The following ABCA7 variants were observed in gnomAD, a reference collection of about 807,000 sequenced individuals.
The protein encoded by ABCA7 is phospholipid-transporting ATPase ABCA7.
ABCA7 carries 261 observed loss-of-function variants against 227.6 expected under a neutral mutation model. The observed-to-expected ratio is 1.15, with a 90% CI of 1.04 to 1.27. The LOEUF (loss-of-function observed/expected upper bound fraction) is 1.27. Among genes scored for constraint, ABCA7 ranks in the 50% most tolerant of loss-of-function variants. The pLI is 0.00. For synonymous variants in ABCA7, 1,488 were observed against 1,279.7 expected (o/e 1.16, Z -3.47); for missense variants, 3,331 against 2,924.5 (o/e 1.14, Z -3.21).
Position 1,065,228 on chromosome 19 carries a change from G to A in ABCA7, c.6286-42G>A, listed in dbSNP as rs200178682. On this transcript the variant is annotated intron_variant, in intron 46 of 46. Transcript: ENST00000263094. The stretch of plus-strand genomic sequence containing the variant: ...GGCAGGCTGGGGGCCAGGCCCGTGG[G>A]CTGACCGTCCCTCTTGTCCCCTCTG... The A allele has an allele frequency of 2.6e-5, 42 of 1,607,692 alleles. No individual in the cohort carries two copies. The East Asian group carries it at 9.4e-4, about 36-fold the overall frequency.
chr19:1,064,322 C>T, intron 45 of ABCA7, 69 bp downstream of exon 45: 1 of 1,444,876 alleles, frequency 6.9e-7, no homozygotes, highest in Non-Finnish European at 9.3e-7. Context: ...AGGGGAGAGG[C>T]CAGACGTAGA....
In ABCA7 at chr19:1,056,018, G is replaced by A. The variant is rs759145406; in HGVS notation, c.4239-48G>A. ...CTGCCTGCCCCCTGGGAGCTCTCCC[G>A]GCCCCCCCGGCCCTCAGCTCCCCTT... is the stretch of plus-strand genomic sequence containing the variant. On this transcript the variant is annotated intron_variant, in intron 31 of 46. Coordinates refer to ENST00000263094, the MANE Select transcript of ABCA7 (RefSeq NM_019112.4). This position sits in a 1 kb window ranked among gnomAD's most constrained non-coding sequence, Gnocchi z 4.3. The A allele has an allele frequency of 8.6e-6, 13 of 1,507,296 alleles. No individual in the cohort carries two copies. The highest frequency in any genetic ancestry group is 8.1e-5 in the African/African-American group (4 of 49,440). 93.4% of individuals were successfully genotyped at this position (1,507,296 alleles called of 1,614,324 possible).
chr19:1,062,362 C>A (rs1245767643), intron 42 of ABCA7, 49 bp downstream of exon 42: 3 of 1,585,604 alleles, frequency 1.9e-6, no homozygotes, highest in Non-Finnish European at 2.6e-6. Flanking sequence ...GCCCACCCGA[C>A]CCAGGCCGTG....
At position 1,042,188 on chromosome 19, in the gene ABCA7, G is replaced by C; in HGVS notation, c.415+12G>C. 4 of 1,599,470 alleles carry C rather than the reference G, an allele frequency of 2.5e-6. No homozygotes were observed. Among genetic ancestry groups the C allele is most frequent in the Non-Finnish European group, 3.4e-6 (4 of 1,177,446 alleles). ...TGCACGCAGCACGGGTGAGGAGGCCGGGGGGCCTCTGGCAGGGCTGAGCTC... is the reference window on the plus strand; with the variant it reads ...TGCACGCAGCACGGGTGAGGAGGCCCGGGGGCCTCTGGCAGGGCTGAGCTC... On this transcript the variant is annotated intron_variant, in intron 5 of 46. Coordinates refer to ENST00000263094, the MANE Select transcript of ABCA7 (RefSeq NM_019112.4).
rs2040112279 is a variant in ABCA7 at position 1,042,195 on chromosome 19, C to G, written c.415+19C>G. 6.2e-7 allele frequency: 1 copy of G among 1,601,262 alleles called. No homozygotes were observed. The highest frequency in any genetic ancestry group is 1.3e-5 in the African/African-American group (1 of 74,962). On this transcript the variant is annotated intron_variant, in intron 5 of 46. Coordinates refer to ENST00000263094, the MANE Select transcript of ABCA7 (RefSeq NM_019112.4). ...AGCACGGGTGAGGAGGCCGGGGGGC[C>G]TCTGGCAGGGCTGAGCTCTGAGCCT...
chr19:1,043,630 A>G, intron 9 of ABCA7, 95 bp from the exon 10 acceptor site: 1 of 1,512,152 alleles, frequency 6.6e-7, no homozygotes, highest in Non-Finnish European at 9.1e-7. Context: ...GCGGAGGATC[A>G]GAGGCACACG....
At chr19:1,052,420 A>C (rs966051237) in intron 23 of ABCA7, 134 bp downstream of exon 23, 2 of 83,684 alleles carry the variant, frequency 2.4e-5, no homozygotes, top group South Asian at 1.4e-4. Context: ...GCGGAGGAGG[A>C]GGGGGAGGAG....
Position 1,058,255 on chromosome 19 carries a change from C to T in ABCA7, c.5135C>T (p.Ala1712Val). ...GTGCGGAACCAGGCCATGGCTGATG[C>T]CTTTGAGCGCTTGGGTGAGAACTTC... ...DMVRNQAMAD[A>V]FERLGDRQFQ... The change falls in exon 37 of 47, where the codon GCC (alanine) becomes GTC (valine). Residue 1712 changes from alanine (A) to valine (V), a missense_variant. By Grantham distance (64) the Ala-to-Val change is moderately conservative. Coordinates refer to ENST00000263094, the MANE Select transcript of ABCA7 (RefSeq NM_019112.4). 1 of 1,613,164 alleles carries T rather than the reference C, an allele frequency of 6.2e-7. No homozygotes were observed. The highest frequency in any genetic ancestry group is 8.5e-7 in the Non-Finnish European group (1 of 1,179,884).
In ABCA7 at chr19:1,043,294, CTGGGCAGGGGGGCAGGGCCTCA is replaced by C. The variant is rs1342533344; in HGVS notation, c.791-36_791-15del. ...GTTTCCCCTCTTGGGAAGTGGAACTCTGGGCAGGGGGGCAGGGCCTCATGGCACCCCCATCCCAGGCCCCGCC... is the reference window on the plus strand; with the variant it reads ...GTTTCCCCTCTTGGGAAGTGGAACTCTGGCACCCCCATCCCAGGCCCCGCC... On this transcript the variant is annotated intron_variant, in intron 8 of 46. Transcript: ENST00000263094. The C allele has an allele frequency of 6.2e-7, 1 of 1,611,852 alleles. No individual in the cohort carries two copies. The highest frequency in any genetic ancestry group is 2.2e-5 in the East Asian group (1 of 44,834).
rs1365348626 is a variant in ABCA7, at chr19:1,044,694, G to A, written c.1165G>A (p.Ala389Thr). The A allele has an allele frequency of 6.2e-7, 1 of 1,612,434 alleles. No homozygotes were observed. The highest frequency in any genetic ancestry group is 8.5e-7 in the Non-Finnish European group (1 of 1,179,900). Residue 389 changes from alanine to threonine, a missense_variant, in exon 11 of 47, where the codon GCA becomes ACA. Physicochemically the swap from Ala to Thr is moderately conservative, Grantham distance 58. Coordinates refer to ENST00000263094, the MANE Select transcript of ABCA7 (RefSeq NM_019112.4). ...GAGCGGTGGCTACAGCTGGCAGGAC[G>A]CACACGCTGATGTGGGGCACCTGGT... is the stretch of plus-strand genomic sequence containing the variant. ...PGSGGYSWQD[A>T]HADVGHLVGT... is the part of the protein sequence containing the mutation.
chr19:1,065,309 G>A lies in ABCA7; in HGVS notation c.6325G>A (p.Asp2109Asn), dbSNP rs1404856278. Residue 2109 changes from aspartate to asparagine, a missense_variant, in exon 47 of 47, where the codon GAC becomes AAC. Asp to Asn is a conservative substitution (Grantham distance 23, BLOSUM62 1). Coordinates refer to ENST00000263094, the MANE Select transcript of ABCA7 (RefSeq NM_019112.4). ...YFSKDQGKDE[D>N]TEEQKEAGVG... ...CTCCAAGGACCAGGGGAAGGACGAGGACACCGAAGAGCAGAAGGAGGCAGG... is the reference window on the plus strand; with the variant it reads ...CTCCAAGGACCAGGGGAAGGACGAGAACACCGAAGAGCAGAAGGAGGCAGG... 2.5e-6 allele frequency: 4 copies of A among 1,613,472 alleles called. No homozygotes were observed. The highest frequency in any genetic ancestry group is 8.5e-7 in the Non-Finnish European group (1 of 1,179,998).
At chr19:1,063,398 A>G (rs1599729681) in intron 42 of ABCA7, 146 bp from the exon 43 acceptor site, 2 of 1,176,450 alleles carry the variant, frequency 1.7e-6, no homozygotes, top group African/African-American at 3.3e-5. Flanking sequence ...TGCTGCCCCC[A>G]CCACACTATG....
chr19:1,060,557 C>A (rs1460099403), intron 40 of ABCA7, among the ~76,000 whole-genome samples: 2 of 147,864 alleles, frequency 1.4e-5, no homozygotes, highest in Admixed American at 6.8e-5. Context: ...TCTCGCTCTG[C>A]CACCCAGGCT....
At chr19:1,042,250 G>T in intron 5 of ABCA7, 65 bp from the exon 6 acceptor site, 1 of 1,585,764 alleles carries the variant, frequency 6.3e-7, no homozygotes, top group South Asian at 1.1e-5. Context: ...ATGGGCACAG[G>T]GTGGGGGTGG....
In ABCA7 at chr19:1,063,808, A is replaced by T; in HGVS notation, c.5896A>T (p.Asn1966Tyr). ...CCCCAGCGCGCGGCGCTTCCTTTGG[A>T]ACAGCCTTTTGGCCGTGGTGCGGGA... ...MDPSARRFLWNSLLAVVREGR... is the reference protein window; with the variant it reads ...MDPSARRFLWYSLLAVVREGR... Residue 1966 changes from asparagine (N) to tyrosine (Y), a missense_variant, in exon 44 of 47, where the codon AAC (asparagine) becomes TAC (tyrosine). Transcript: ENST00000263094. 2 of 1,546,024 alleles carry T rather than the reference A, an allele frequency of 1.3e-6. No individual in the cohort carries two copies. The highest frequency in any genetic ancestry group is 4.9e-5 in the East Asian group (2 of 40,976).
intron 40 of ABCA7, among the ~76,000 whole-genome samples, chr19:1,060,043 T>A (rs1480462637): frequency 6.6e-6 from 1 of 152,152 alleles, no homozygotes; most frequent in Admixed American, 6.5e-5. Flanking sequence ...AAGCACTTGC[T>A]CACAGCCAGC....
At chr19:1,061,429 G>A (rs1165133928) in intron 40 of ABCA7, among the ~76,000 whole-genome samples, 1 of 149,996 alleles carries the variant, frequency 6.7e-6, no homozygotes, top group Non-Finnish European at 1.5e-5. Flanking sequence ...GGGTGCCGTG[G>A]CTCACGCCTG....
intron 18 of ABCA7, 96 bp from the exon 19 acceptor site, chr19:1,050,821 ATAAT>A (rs2041539877): frequency 6.4e-6 from 4 of 628,842 alleles, no homozygotes; most frequent in African/African-American, 2.4e-5. Context: ...ATAATAATAA[ATAAT>A]TAAAAATTTT....
chr19:1,054,471 C>A lies in ABCA7; in HGVS notation c.3727-99C>A. ...CAACCCAAAGCACATTTATTGAGGG[C>A]ACTGGGGAGCCATGGGTGGTTGTAG... On this transcript the variant is annotated intron_variant, in intron 27 of 46. Coordinates refer to ENST00000263094, the MANE Select transcript of ABCA7 (RefSeq NM_019112.4). The surrounding 1 kb of genome is among the most constrained non-coding windows in gnomAD (Gnocchi z 4.8). 1 of 1,564,396 alleles carries A rather than the reference C, an allele frequency of 6.4e-7. No individual in the cohort carries two copies.
Sources: gnomAD v4.1 joint callset for allele counts (sites outside exome capture counted in the v4.1 genomes callset) on GRCh38, gnomAD v4.1.1 for gene constraint, Gnocchi (gnomAD v3.1) non-coding constraint, MANE v1.5 for transcripts, NCBI Gene and HGNC (gene_info 2026-07-23, HGNC 2026-07-21) for gene names.